The following MINAR1 variants were observed in gnomAD, a reference collection of about 807,000 sequenced individuals.
MINAR1 encodes membrane integral NOTCH2 associated receptor 1.
In MINAR1, 40 loss-of-function variants were observed where a neutral mutation model predicts 65.1. The observed-to-expected ratio is 0.61, with a 90% CI of 0.48 to 0.80. MINAR1 has a LOEUF of 0.80. Among genes scored for constraint, MINAR1 ranks in the 30% least tolerant of loss-of-function variants. The pLI, the probability that MINAR1 is intolerant of heterozygous loss-of-function variation, is 0.00. For synonymous variants in MINAR1, 482 were observed against 449.1 expected (o/e 1.07, Z -0.93); for missense variants, 1,128 against 1,148.0 (o/e 0.98, Z 0.25).
the MINAR1 span, chr15:79,425,668 G>T: frequency 2.0e-5 from 3 of 152,150 alleles, no homozygotes; most frequent in African/African-American, 7.2e-5. Context: ...GAGCATTGGA[G>T]TGGCAAAGGT....
intron 1 of MINAR1, among the ~76,000 whole-genome samples, chr15:79,439,781 G>C (rs972535123): frequency 2.0e-5 from 3 of 151,940 alleles, no homozygotes; most frequent in African/African-American, 7.3e-5. Flanking sequence ...AGAGCTATTG[G>C]GTGAAAGACG....
intron 1 of MINAR1, among the ~76,000 whole-genome samples, chr15:79,451,644 T>A (rs1895206057): frequency 6.6e-6 from 1 of 152,210 alleles, no homozygotes; most frequent in Non-Finnish European, 1.5e-5. Context: ...CGGCTCCTCC[T>A]CCTGCCAGCT....
intron 1 of MINAR1, among the ~76,000 whole-genome samples, chr15:79,447,046 C>T (rs1895043087): frequency 6.6e-6 from 1 of 152,114 alleles, no homozygotes; most frequent in African/African-American, 2.4e-5. Context: ...GCCACCATGC[C>T]CAGCTAACTT....
the MINAR1 span, chr15:79,423,516 G>A: frequency 1.3e-5 from 2 of 152,156 alleles, no homozygotes; most frequent in Non-Finnish European, 2.9e-5. Flanking sequence ...ACACTCCTAT[G>A]GCTCCTCTAT....
At chr15:79,458,911 A>C (rs774127865) in intron 2 of MINAR1, among the ~76,000 whole-genome samples, 16 of 152,124 alleles carry the variant, frequency 1.1e-4, no homozygotes, top group Non-Finnish European at 2.2e-4. Context: ...GGTTTTTTTC[A>C]TTATAAAATA....
Position 79,470,532 on chromosome 15 carries a change from C to T in MINAR1, c.*2148C>T, listed in dbSNP as rs1434491119. On this transcript the variant is annotated 3_prime_UTR_variant, in exon 4 of 4. Transcript: ENST00000305428. ...TAGGACCATCGAGGCTGGACCAAAC[C>T]ACTTTTTCCACTGCCCTTGGTGAAT... The T allele has an allele frequency of 1.3e-5, 2 of 150,190 alleles. No individual in the cohort carries two copies. The highest frequency in any genetic ancestry group is 2.9e-5 in the Non-Finnish European group (2 of 68,028). 9.3% of individuals were successfully genotyped at this position (150,190 alleles called of 1,614,324 possible).
Position 79,456,897 on chromosome 15 carries a change from C to T in MINAR1, c.750C>T (p.Val250=). 6.2e-7 allele frequency: 1 copy of T among 1,614,128 alleles called. No individual in the cohort carries two copies. Among genetic ancestry groups the T allele is most frequent in the Non-Finnish European group, 8.5e-7 (1 of 1,180,024 alleles). The change falls in exon 2 of 4, where the codon GTC becomes GTT. Residue 250 remains valine (V), a synonymous_variant. Transcript: ENST00000305428. The part of the protein sequence containing the change: ...TFISNEEPFV[V]QSCVQKRNIF... ...TTTCCAATGAGGAGCCATTTGTGGT[C>T]CAGTCCTGTGTCCAGAAAAGGAATA... is the stretch of plus-strand genomic sequence containing the variant.
the MINAR1 span, chr15:79,423,748 C>T: frequency 6.6e-6 from 1 of 152,224 alleles, no homozygotes; most frequent in Non-Finnish European, 1.5e-5. Flanking sequence ...TCTTTGTAAC[C>T]TTAGGGAAAT....
intron 2 of MINAR1, among the ~76,000 whole-genome samples, chr15:79,460,332 C>T (rs1415606526): frequency 6.6e-6 from 1 of 152,174 alleles, no homozygotes; most frequent in Non-Finnish European, 1.5e-5. Context: ...ATGTCAAAAT[C>T]TACAGTTCCC....
At chr15:79,443,136 G>A (rs546298095) in intron 1 of MINAR1, among the ~76,000 whole-genome samples, 266 of 152,272 alleles carry the variant, frequency 1.7e-3, no homozygotes, top group African/African-American at 6.0e-3. Flanking sequence ...AGGGCCACAC[G>A]GGAGCTGCAC....
chr15:79,437,133 C>T (rs980140925), intron 1 of MINAR1, among the ~76,000 whole-genome samples: 1 of 152,220 alleles, frequency 6.6e-6, no homozygotes, highest in Admixed American at 6.5e-5. Flanking sequence ...AAAGATCAAC[C>T]AGTCACTAGG....
At chr15:79,415,668 T>A in the MINAR1 span, 1 of 152,138 alleles carries the variant, frequency 6.6e-6, no homozygotes, top group Admixed American at 6.5e-5. Flanking sequence ...TTACAGAGGG[T>A]GCATTCAGGC....
chr15:79,444,266 T>C (rs1894948352), intron 1 of MINAR1, among the ~76,000 whole-genome samples: 1 of 152,252 alleles, frequency 6.6e-6, no homozygotes, highest in Non-Finnish European at 1.5e-5. Flanking sequence ...TTCTGGCACA[T>C]AGTAAAGTTC....
chr15:79,445,647 C>G (rs1166142910), intron 1 of MINAR1, among the ~76,000 whole-genome samples: 1 of 150,588 alleles, frequency 6.6e-6, no homozygotes, highest in Non-Finnish European at 1.5e-5. Context: ...CTCCCAGGTT[C>G]AAGTGGTTCT....
the MINAR1 span, chr15:79,411,459 C>G: frequency 7.1e-6 from 5 of 702,338 alleles, no homozygotes; most frequent in Non-Finnish European, 1.3e-5. Flanking sequence ...TGCAGCCAGG[C>G]GGAACACCTG....
upstream of MINAR1, among the ~76,000 whole-genome samples, chr15:79,431,542 G>T (rs978184767): frequency 1.3e-5 from 2 of 151,980 alleles, no homozygotes; most frequent in African/African-American, 2.4e-5. Context: ...GGGAGGGGTG[G>T]TCACGTGACA....
intron 3 of MINAR1, 59 bp from the exon 4 acceptor site, chr15:79,468,128 C>G (rs747705149): frequency 1.0e-5 from 14 of 1,394,456 alleles, no homozygotes; most frequent in Non-Finnish European, 1.2e-5. Flanking sequence ...ACTGTCGGGA[C>G]GTCTTTGACC....
chr15:79,463,505 C>T (rs762420052), intron 3 of MINAR1, among the ~76,000 whole-genome samples, 184 bp downstream of exon 3: 5 of 152,150 alleles, frequency 3.3e-5, no homozygotes, highest in Admixed American at 1.3e-4. Flanking sequence ...ACAAGGGGAT[C>T]GTTGTTTTGC....
At position 79,468,675 on chromosome 15, in the gene MINAR1, CA is replaced by C; in HGVS notation, c.*297del. 2.8e-6 allele frequency: 1 copy of C among 362,280 alleles called. No individual in the cohort carries two copies. The highest frequency in any genetic ancestry group is 5.0e-6 in the Non-Finnish European group (1 of 199,652). 22.4% of individuals were successfully genotyped at this position (362,280 alleles called of 1,614,324 possible). Reference sequence around the variant, plus strand: ...TAAATACAAATTGAATATTCCAAGCCAAAAAAGGAAGATTAATTGGGTTCTT... The same window carrying C: ...TAAATACAAATTGAATATTCCAAGCCAAAAAGGAAGATTAATTGGGTTCTT... On this transcript the variant is annotated 3_prime_UTR_variant, in exon 4 of 4. Transcript: ENST00000305428.
Sources: allele counts gnomAD v4.1 joint callset (sites outside exome capture counted in the v4.1 genomes callset), GRCh38; gene constraint gnomAD v4.1.1; transcripts MANE v1.5; gene names NCBI Gene and HGNC (gene_info 2026-07-23, HGNC 2026-07-21).